PHF12: variants seen among roughly 807,000 people sequenced by gnomAD.
PHF12 encodes PHD finger protein 12.
PHF12 carries 6 observed loss-of-function variants against 99.8 expected under a neutral mutation model. The ratio of observed to expected loss-of-function variants is 0.06; its 90% CI spans 0.03 to 0.12. The LOEUF (loss-of-function observed/expected upper bound fraction) is 0.12, where lower values mean the gene tolerates loss of function less well. PHF12 is among the 10% of genes least tolerant of loss of function. PHF12 has a pLI of 1.00. For synonymous variants in PHF12, 480 were observed against 514.9 expected (o/e 0.93, Z 0.92); for missense variants, 954 against 1,300.1 (o/e 0.73, Z 4.09).
rs1190491081 is a variant in PHF12 at position 28,923,952 on chromosome 17, T to C, written c.672A>G (p.Gln224=). 6.2e-7 allele frequency: 1 copy of C among 1,613,164 alleles called. No individual in the cohort carries two copies. Among genetic ancestry groups the C allele is most frequent in the East Asian group, 2.2e-5 (1 of 44,864 alleles). ...AAGTCAGTTCATTGGGCAACTGAAATTGGGTGGGGTTCCGCTCCATGGCGG... is the reference window on the plus strand; with the variant it reads ...AAGTCAGTTCATTGGGCAACTGAAACTGGGTGGGGTTCCGCTCCATGGCGG... ...IAAAMERNPT[Q]FQLPNELTCT... Residue 224 remains glutamine, a synonymous_variant, in exon 4 of 15, where the codon CAA becomes CAG. Coordinates refer to ENST00000332830, the MANE Select transcript of PHF12 (RefSeq NM_001033561.2).
Position 28,914,023 on chromosome 17 carries a change from T to C in PHF12, c.1149A>G (p.Ile383Met). The change falls in exon 8 of 15, where the codon ATA becomes ATG. Residue 383 changes from isoleucine to methionine, a missense_variant. By Grantham distance (10) the Ile-to-Met change is conservative. Coordinates refer to ENST00000332830, the MANE Select transcript of PHF12 (RefSeq NM_001033561.2). ...GGGGTGGAAACTGGTACTGAGATTT[T>C]ATAGCATCAGGAACCTGTTCAGGAT... is the stretch of plus-strand genomic sequence containing the variant. The part of the protein sequence containing the change: ...KRRSLKVPDA[I>M]KSQYQFPPPL... The C allele has an allele frequency of 6.2e-7, 1 of 1,610,818 alleles. No homozygotes were observed. The highest frequency in any genetic ancestry group is 8.5e-7 in the Non-Finnish European group (1 of 1,177,304).
Position 28,906,554 on chromosome 17 carries a change from T to A in PHF12, c.2681-37A>T. The A allele has an allele frequency of 6.4e-7, 1 of 1,558,352 alleles. No individual in the cohort carries two copies. The highest frequency in any genetic ancestry group is 8.7e-7 in the Non-Finnish European group (1 of 1,146,976). On this transcript the variant is annotated intron_variant, in intron 14 of 14. Transcript: ENST00000332830. The surrounding 1 kb of genome is among the most constrained non-coding windows in gnomAD (Gnocchi z 4.2). Reference sequence around the variant, plus strand: ...GGGGATGGTCACAGAAGAGGAACAGTGAGCAGCCAACCCATGTGGGCTGTT... The same window carrying A: ...GGGGATGGTCACAGAAGAGGAACAGAGAGCAGCCAACCCATGTGGGCTGTT...
chr17:28,907,207 C>T, intron 13 of PHF12: 1 of 563,230 alleles, frequency 1.8e-6, no homozygotes, highest in Non-Finnish European at 3.1e-6. Context: ...CTCTCCCACT[C>T]CTTCACTCTG....
chr17:28,940,909 C>T (rs1253206106), intron 2 of PHF12, among the ~76,000 whole-genome samples: 1 of 152,096 alleles, frequency 6.6e-6, no homozygotes, highest in Non-Finnish European at 1.5e-5. Flanking sequence ...CCTGTATTCT[C>T]TTGGGAGGCA....
intron 2 of PHF12, among the ~76,000 whole-genome samples, chr17:28,939,749 T>C (rs566099340): frequency 2.0e-5 from 3 of 152,302 alleles, no homozygotes; most frequent in East Asian, 1.9e-4. Flanking sequence ...CTGAGGACCA[T>C]AGCTGAGTAA....
intron 5 of PHF12, 31 bp from the exon 6 acceptor site, chr17:28,919,306 G>A (rs777852806): frequency 6.2e-7 from 1 of 1,605,136 alleles, no homozygotes; most frequent in South Asian, 1.1e-5. Flanking sequence ...CCATTTCTGT[G>A]GCAAGAAAAG....
At chr17:28,922,185 C>G (rs2040179028) in intron 4 of PHF12, among the ~76,000 whole-genome samples, 1 of 152,178 alleles carries the variant, frequency 6.6e-6, no homozygotes, top group Non-Finnish European at 1.5e-5. Context: ...AACTACTGGG[C>G]TCAAGCAACT....
At position 28,913,080 on chromosome 17, in the gene PHF12, G is replaced by C; in HGVS notation, c.1491C>G (p.Pro497=). 6.2e-7 allele frequency: 1 copy of C among 1,614,190 alleles called. No homozygotes were observed. The highest frequency in any genetic ancestry group is 1.6e-4 in the Middle Eastern group (1 of 6,062). ...GGGAATTCTGGGTGCTAATCCCTGA[G>C]GGGCAGGACAAGGGGTAGTGGGAAG... The part of the protein sequence containing the change: ...PTPSHYPLSC[P]SGISTQNSLS... Residue 497 remains proline (P), a synonymous_variant, in exon 9 of 15, where the codon CCC becomes CCG. Coordinates refer to ENST00000332830, the MANE Select transcript of PHF12 (RefSeq NM_001033561.2).
chr17:28,911,642 T>C (rs923635310), intron 9 of PHF12, among the ~76,000 whole-genome samples: 1 of 151,982 alleles, frequency 6.6e-6, no homozygotes, highest in Non-Finnish European at 1.5e-5. Flanking sequence ...TAAACAGAGA[T>C]AGGAAAACAG....
rs181592648 is a variant in PHF12, at chr17:28,915,693, T to C, written c.1134+1592A>G. On this transcript the variant is annotated intron_variant, in intron 7 of 14. Transcript: ENST00000332830. Reference sequence around the variant, plus strand: ...GTGGAAGAGAAATTCGCAACGAAGATACAAAGTTCTCAGCAGATTTTTCCT... The same window carrying C: ...GTGGAAGAGAAATTCGCAACGAAGACACAAAGTTCTCAGCAGATTTTTCCT... Among the ~76,000 whole-genome samples, 143 of 152,304 alleles carry C rather than the reference T, an allele frequency of 9.4e-4. No homozygotes were observed. The Middle Eastern group carries it at 0.027, about 29-fold the overall frequency.
intron 2 of PHF12, among the ~76,000 whole-genome samples, chr17:28,933,006 C>A (rs1034498373): frequency 1.3e-5 from 2 of 152,172 alleles, no homozygotes; most frequent in African/African-American, 4.8e-5. Flanking sequence ...TAGCGTGCAA[C>A]TCTGAAAACA....
At position 28,923,891 on chromosome 17, in the gene PHF12, G is replaced by A. The variant is rs1420950067; in HGVS notation, c.715+18C>T. ...GGAAACTGGGGTTGGGAAGGGATAT[G>A]ATGATGGTTTGGCTGACCTGGTAGT... On this transcript the variant is annotated intron_variant, in intron 4 of 14. Coordinates refer to ENST00000332830, the MANE Select transcript of PHF12 (RefSeq NM_001033561.2). The A allele has an allele frequency of 1.3e-6, 2 of 1,593,816 alleles. No homozygotes were observed. The highest frequency in any genetic ancestry group is 8.5e-7 in the Non-Finnish European group (1 of 1,170,058).
At chr17:28,922,018 C>G (rs572111849) in intron 4 of PHF12, among the ~76,000 whole-genome samples, 1 of 152,188 alleles carries the variant, frequency 6.6e-6, no homozygotes, top group East Asian at 1.9e-4. Flanking sequence ...TAAGTCAGAA[C>G]CAGAAGTCAC....
intron 2 of PHF12, among the ~76,000 whole-genome samples, chr17:28,931,890 C>T (rs146372811): frequency 6.6e-6 from 1 of 151,994 alleles, no homozygotes; most frequent in East Asian, 1.9e-4. Context: ...CCAAGATTTG[C>T]TGCTTTCTTA....
At position 28,911,246 on chromosome 17, in the gene PHF12, G is replaced by A. The variant is rs780921476; in HGVS notation, c.2090-9C>T. 38 of 1,613,802 alleles carry A rather than the reference G, an allele frequency of 2.4e-5. No homozygotes were observed. The highest frequency in any genetic ancestry group is 3.0e-5 in the Non-Finnish European group (35 of 1,179,928). On this transcript the variant is annotated splice_polypyrimidine_tract_variant and intron_variant, in intron 9 of 14. Transcript: ENST00000332830. ...GGGGCTGACCTTGCCATCTGGGGAC[G>A]GAGCAGGAAGACTGTTACTTACGTC...
chr17:28,944,283 T>C (rs1231403483), intron 2 of PHF12, among the ~76,000 whole-genome samples: 1 of 152,176 alleles, frequency 6.6e-6, no homozygotes, highest in Non-Finnish European at 1.5e-5. Flanking sequence ...TTTTACTGAG[T>C]ATGGCAATTA....
intron 3 of PHF12, chr17:28,926,309 A>G (rs1488585754): frequency 5.9e-6 from 1 of 169,062 alleles, no homozygotes; most frequent in Non-Finnish European, 1.3e-5. Flanking sequence ...TGCTTGGTGT[A>G]TAATTAGTGT....
intron 2 of PHF12, among the ~76,000 whole-genome samples, chr17:28,943,179 T>A (rs768316800): frequency 1.3e-5 from 2 of 152,086 alleles, no homozygotes; most frequent in Non-Finnish European, 2.9e-5. Context: ...GTCAAGGAAG[T>A]GGAGAAATTA....
chr17:28,927,510 T>C (rs1598143579), intron 2 of PHF12, among the ~76,000 whole-genome samples: 1 of 152,238 alleles, frequency 6.6e-6, no homozygotes, highest in East Asian at 1.9e-4. Context: ...TAGAAAGCTA[T>C]GCCTGTCAAA....
Sources: gnomAD v4.1 joint callset for allele counts (sites outside exome capture counted in the v4.1 genomes callset) on GRCh38, gnomAD v4.1.1 for gene constraint, Gnocchi (gnomAD v3.1) non-coding constraint, MANE v1.5 for transcripts, NCBI Gene and HGNC (gene_info 2026-07-23, HGNC 2026-07-21) for gene names.